Variants in CSTPP1 observed in about 807,000 individuals in gnomAD.
CSTPP1 encodes the protein centriolar satellite-associated tubulin polyglutamylase complex regulator 1.
the CSTPP1 span, among the ~76,000 whole-genome samples, chr11:47,146,889 T>A: frequency 1.3e-5 from 2 of 152,256 alleles, no homozygotes; most frequent in Non-Finnish European, 2.9e-5. Flanking sequence ...TCTCAAAATA[T>A]CAAAGTTACA....
the CSTPP1 span, among the ~76,000 whole-genome samples, chr11:46,951,020 C>T: frequency 1.3e-4 from 20 of 152,168 alleles, no homozygotes; most frequent in African/African-American, 3.9e-4. Context: ...TCGTTCAGTC[C>T]TCACAGCAGG....
the CSTPP1 span, chr11:47,161,793 A>T: frequency 7.1e-7 from 1 of 1,414,012 alleles, no homozygotes; most frequent in Non-Finnish European, 9.2e-7. Context: ...GGCTCTGATG[A>T]TCAGCCCAGC....
chr11:46,993,114 T>C, the CSTPP1 span, among the ~76,000 whole-genome samples: 11 of 152,370 alleles, frequency 7.2e-5, no homozygotes, highest in Admixed American at 4.6e-4. Flanking sequence ...TTTGTTGAAG[T>C]TCTTTGTAGA....
chr11:46,974,310 T>G, the CSTPP1 span, among the ~76,000 whole-genome samples: 401 of 151,902 alleles, frequency 2.6e-3, 2 homozygotes, highest in Non-Finnish European at 2.7e-3. Context: ...GGCAGATCGC[T>G]TGAGGTCAAG....
chr11:47,161,535 C>A, the CSTPP1 span: 1 of 1,614,164 alleles, frequency 6.2e-7, no homozygotes. Flanking sequence ...CCTTCCCGGA[C>A]CCCTCCCCGG....
chr11:46,949,603 A>T, the CSTPP1 span, among the ~76,000 whole-genome samples: 2 of 152,162 alleles, frequency 1.3e-5, no homozygotes, highest in African/African-American at 4.8e-5. Context: ...AAGGAAAAGA[A>T]GTGGTTGAAT....
chr11:46,987,225 A>T, the CSTPP1 span: 16 of 1,614,136 alleles, frequency 9.9e-6, no homozygotes, highest in Non-Finnish European at 1.4e-5. Flanking sequence ...ACATGTCCTC[A>T]CCTACATGGA....
At chr11:46,959,787 C>A in the CSTPP1 span, among the ~76,000 whole-genome samples, 3 of 151,726 alleles carry the variant, frequency 2.0e-5, no homozygotes, top group Non-Finnish European at 2.9e-5. Context: ...GCCATCTTAA[C>A]TTCAACTCTA....
At chr11:47,037,478 A>G in the CSTPP1 span, among the ~76,000 whole-genome samples, 1 of 118,256 alleles carries the variant, frequency 8.5e-6, no homozygotes, top group Admixed American at 9.4e-5. Context: ...AGGGAAGGTC[A>G]GCAGATAAAC....
the CSTPP1 span, among the ~76,000 whole-genome samples, chr11:47,005,060 A>G: frequency 6.6e-6 from 1 of 152,210 alleles, no homozygotes; most frequent in African/African-American, 2.4e-5. Flanking sequence ...TATGCAATCT[A>G]TATACCCTCT....
the CSTPP1 span, among the ~76,000 whole-genome samples, chr11:47,090,276 C>T: frequency 6.6e-6 from 1 of 152,112 alleles, no homozygotes; most frequent in Non-Finnish European, 1.5e-5. Context: ...TGAGCCACTG[C>T]ACCTGGCATG....
chr11:47,098,883 T>C, the CSTPP1 span, among the ~76,000 whole-genome samples: 10 of 152,236 alleles, frequency 6.6e-5, no homozygotes, highest in Non-Finnish European at 1.5e-4. Context: ...CCTAATTATG[T>C]GTTTTGTGAA....
chr11:47,016,390 C>CAAAAAAAAAA, the CSTPP1 span, among the ~76,000 whole-genome samples: 1 of 125,848 alleles, frequency 7.9e-6, no homozygotes, highest in Non-Finnish European at 1.6e-5. Flanking sequence ...ATGGAATCTA[C>CAAAAAAAAAA]AAAAAACAAA....
At chr11:47,064,218 T>C in the CSTPP1 span, among the ~76,000 whole-genome samples, 1 of 152,178 alleles carries the variant, frequency 6.6e-6, no homozygotes, top group Non-Finnish European at 1.5e-5. Context: ...TGGATATTCA[T>C]TCCTTATCAG....
At chr11:46,950,654 C>T in the CSTPP1 span, among the ~76,000 whole-genome samples, 1 of 151,828 alleles carries the variant, frequency 6.6e-6, no homozygotes, top group Non-Finnish European at 1.5e-5. Flanking sequence ...CTTTGTTGCC[C>T]AGGCTGGAGT....
chr11:47,016,924 G>T, the CSTPP1 span, among the ~76,000 whole-genome samples: 1 of 143,320 alleles, frequency 7.0e-6, no homozygotes, highest in South Asian at 2.2e-4. Flanking sequence ...CTCACTGCAG[G>T]CTCCGCCTCC....
At chr11:46,962,692 GT>G in the CSTPP1 span, among the ~76,000 whole-genome samples, 2 of 151,980 alleles carry the variant, frequency 1.3e-5, no homozygotes, top group Non-Finnish European at 2.9e-5. Flanking sequence ...TATTATCATA[GT>G]TAGCACTGTT....
At chr11:47,152,190 C>A in the CSTPP1 span, among the ~76,000 whole-genome samples, 1 of 151,186 alleles carries the variant, frequency 6.6e-6, no homozygotes, top group Non-Finnish European at 1.5e-5. Flanking sequence ...GCGGAGGTTG[C>A]AGTGAGCCGA....
At chr11:46,948,132 G>A in the CSTPP1 span, 2 of 456,142 alleles carry the variant, frequency 4.4e-6, no homozygotes, top group African/African-American at 4.0e-5. Context: ...CGGCTCCATG[G>A]TTCTCATGCC....
Sources: allele counts gnomAD v4.1 joint callset (sites outside exome capture counted in the v4.1 genomes callset), GRCh38; gene constraint gnomAD v4.1.1; transcripts MANE v1.5; gene names NCBI Gene and HGNC (gene_info 2026-07-23, HGNC 2026-07-21).